The following PIK3CD variants were observed in gnomAD, a reference collection of about 807,000 sequenced individuals.
PIK3CD encodes the protein phosphatidylinositol-4,5-bisphosphate 3-kinase catalytic subunit delta, also known as phosphatidylinositol 4,5-bisphosphate 3-kinase catalytic subunit delta isoform.
A neutral mutation model predicts 122.9 loss-of-function variants in PIK3CD; 20 were observed. That is an observed-to-expected ratio of 0.16 (90% CI 0.11 to 0.24). PIK3CD has a LOEUF of 0.24. PIK3CD is among the 10% of genes least tolerant of loss of function. PIK3CD has a pLI of 1.00. For synonymous variants in PIK3CD, 596 were observed against 593.4 expected, an observed-to-expected ratio of 1.00 and a Z score of -0.06; for missense variants, 787 against 1,406.3, an observed-to-expected ratio of 0.56 and a Z score of 7.04.
the PIK3CD span, among the ~76,000 whole-genome samples, chr1:9,630,301 C>T: frequency 6.6e-6 from 1 of 152,236 alleles, no homozygotes. Context: ...GTGTCAGGCC[C>T]CTCCTTGAAG....
intron 1 of PIK3CD, chr1:9,672,701 T>C (rs995910421): frequency 6.6e-6 from 1 of 152,192 alleles, no homozygotes; most frequent in African/African-American, 2.4e-5. Context: ...GGTGAGATTA[T>C]AGGTGTGAGC....
chr1:9,647,608 A>T (rs1267765310), upstream of PIK3CD, among the ~76,000 whole-genome samples: 4 of 151,310 alleles, frequency 2.6e-5, no homozygotes, highest in Non-Finnish European at 5.9e-5. Flanking sequence ...GGCTCAAGGG[A>T]TCCTCCTTCT....
chr1:9,678,117 C>G (rs1379731909), intron 1 of PIK3CD, among the ~76,000 whole-genome samples: 1 of 149,620 alleles, frequency 6.7e-6, no homozygotes, highest in African/African-American at 2.5e-5. Context: ...GCAGTCTAGC[C>G]TGTGCAACAA....
chr1:9,690,791 T>C, intron 1 of PIK3CD, among the ~76,000 whole-genome samples: 1 of 152,160 alleles, frequency 6.6e-6, no homozygotes, highest in East Asian at 1.9e-4. Context: ...GAAGCCCACC[T>C]AGTGGGCTCT....
chr1:9,671,498 T>G (rs538297300), intron 1 of PIK3CD, among the ~76,000 whole-genome samples: 31 of 152,134 alleles, frequency 2.0e-4, no homozygotes, highest in South Asian at 4.1e-4. Flanking sequence ...CCTAGCTGAG[T>G]GGATTTTAAT....
Position 9,727,450 on chromosome 1 carries a change from T to C in PIK3CD, c.*404T>C, listed in dbSNP as rs1135426. 0.91 allele frequency: 356,877 copies of C among 391,122 alleles called. 163,119 individuals are homozygous for C. Among genetic ancestry groups the C allele is most frequent in the African/African-American group, 0.98 (48,045 of 49,132 alleles). The allele number at this position is 391,122 out of a possible 1,614,324, so 24.2% of individuals were successfully genotyped here. On this transcript the variant is annotated 3_prime_UTR_variant, in exon 24 of 24. Coordinates refer to ENST00000377346, the MANE Select transcript of PIK3CD (RefSeq NM_005026.5). Reference sequence around the variant, plus strand: ...GTGCCTACTGTCCGACAGGATGCCTTGATCCTCGTGCGACCCACCCTGTGT... The same window carrying C: ...GTGCCTACTGTCCGACAGGATGCCTCGATCCTCGTGCGACCCACCCTGTGT...
At chr1:9,651,380 CTCT>C (rs1179170702), upstream of PIK3CD, among the ~76,000 whole-genome samples, 1 of 152,190 alleles carries the variant, frequency 6.6e-6, no homozygotes, top group Non-Finnish European at 1.5e-5. Context: ...AGGTTACCCC[CTCT>C]TCTTCTCCTG....
At chr1:9,655,704 T>TTG (rs1644834925) in intron 1 of PIK3CD, among the ~76,000 whole-genome samples, 1 of 147,884 alleles carries the variant, frequency 6.8e-6, no homozygotes, top group African/African-American at 2.5e-5. Context: ...CTTCTTTTTT[T>TTG]TTTTTTTTTT....
chr1:9,723,675 G>A lies in PIK3CD; in HGVS notation c.2595-294G>A, dbSNP rs997242458. 2.0e-5 allele frequency among the ~76,000 whole-genome samples: 3 copies of A among 152,132 alleles called. No homozygotes were observed. The highest frequency in any genetic ancestry group is 7.2e-5 in the African/African-American group (3 of 41,422). ...CTGAGATAACCCATCTCATTCCTGGGGCCTTGGCGCCAGCTGTCTGTGATG... is the reference window on the plus strand; with the variant it reads ...CTGAGATAACCCATCTCATTCCTGGAGCCTTGGCGCCAGCTGTCTGTGATG... On this transcript the variant is annotated intron_variant, in intron 20 of 23. Transcript: ENST00000377346. This position sits in a 1 kb window ranked among gnomAD's most constrained non-coding sequence, Gnocchi z 4.9.
At chr1:9,627,853 T>C in the PIK3CD span, among the ~76,000 whole-genome samples, 3 of 152,178 alleles carry the variant, frequency 2.0e-5, no homozygotes, top group African/African-American at 7.2e-5. Flanking sequence ...CTCTTGTTTC[T>C]AGTTCCGCAG....
intron 1 of PIK3CD, among the ~76,000 whole-genome samples, chr1:9,685,639 G>A (rs952782442): frequency 2.6e-4 from 40 of 152,270 alleles, no homozygotes; most frequent in Admixed American, 6.5e-4. Context: ...GATTACAGGC[G>A]TGAGCCACTG....
rs772209868 is a variant in PIK3CD, at chr1:9,720,726, T to C, written c.1522-16T>C. On this transcript the variant is annotated splice_polypyrimidine_tract_variant and intron_variant, in intron 12 of 23. Transcript: ENST00000377346. This position sits in a 1 kb window ranked among gnomAD's most constrained non-coding sequence, Gnocchi z 9.0. ...GGCGTGGAACCAGAGCCCTCACTCC[T>C]GCCCACACCCCTCAGCAGCTGCAGC... The C allele has an allele frequency of 2.5e-6, 4 of 1,609,158 alleles. No individual in the cohort carries two copies. The East Asian group carries it at 6.7e-5, about 27-fold the overall frequency.
chr1:9,708,172 T>TTTTG (rs368197254), intron 2 of PIK3CD, among the ~76,000 whole-genome samples: 3,611 of 151,272 alleles, frequency 0.024, 122 homozygotes, highest in African/African-American at 0.069. Context: ...CATACAGGCT[T>TTTTG]TTTGTTTGTT....
intron 23 of PIK3CD, 87 bp from the exon 24 acceptor site, chr1:9,726,822 A>G: frequency 1.3e-6 from 2 of 1,527,720 alleles, no homozygotes; most frequent in South Asian, 2.3e-5. Flanking sequence ...CATTTCATTC[A>G]GTGACTCTGA....
chr1:9,681,670 A>G (rs1037646707), intron 1 of PIK3CD, among the ~76,000 whole-genome samples: 3 of 152,202 alleles, frequency 2.0e-5, no homozygotes, highest in Admixed American at 6.5e-5. Flanking sequence ...TCGGGCTCCA[A>G]AAGTGCTGGG....
chr1:9,661,927 C>T (rs763436537), intron 1 of PIK3CD, among the ~76,000 whole-genome samples: 3 of 151,868 alleles, frequency 2.0e-5, no homozygotes, highest in East Asian at 1.9e-4. Context: ...ACCCAGGCGG[C>T]GGAGCTTGCA....
At chr1:9,649,135 CAAA>C (rs897636355), upstream of PIK3CD, among the ~76,000 whole-genome samples, 4 of 130,130 alleles carry the variant, frequency 3.1e-5, no homozygotes, top group Admixed American at 3.2e-4. Flanking sequence ...AAAGCAAAAA[CAAA>C]AAAAACTGGA....
intron 23 of PIK3CD, 136 bp from the exon 24 acceptor site, chr1:9,726,773 A>T: frequency 8.8e-7 from 1 of 1,130,686 alleles, no homozygotes; most frequent in Non-Finnish European, 1.3e-6. Context: ...GGAGCGGAAT[A>T]GAGAGCTTTT....
At position 9,684,802 on chromosome 1, in the gene PIK3CD, C is replaced by T. The variant is rs372450889; in HGVS notation, c.-137-6665C>T. On this transcript the variant is annotated intron_variant, in intron 1 of 23. Coordinates refer to ENST00000377346, the MANE Select transcript of PIK3CD (RefSeq NM_005026.5). Reference sequence around the variant, plus strand: ...CCACAAGGTCAAGCACCTGTGATAGCGCCACTGCACTCCAGCCTGGGTCAC... The same window carrying T: ...CCACAAGGTCAAGCACCTGTGATAGTGCCACTGCACTCCAGCCTGGGTCAC... Among the ~76,000 whole-genome samples, 51 of 140,010 alleles carry T rather than the reference C, an allele frequency of 3.6e-4. 2 individuals carry two copies. The South Asian group carries it at 0.011, about 30-fold the overall frequency. 91.9% of individuals were successfully genotyped at this position (140,010 alleles called of 152,430 possible).
Sources: allele counts gnomAD v4.1 joint callset (sites outside exome capture counted in the v4.1 genomes callset), GRCh38; gene constraint gnomAD v4.1.1; non-coding constraint Gnocchi (gnomAD v3.1); transcripts MANE v1.5; gene names NCBI Gene and HGNC (gene_info 2026-07-23, HGNC 2026-07-21).